The following TPO variants were observed in gnomAD, a reference collection of about 807,000 sequenced individuals.
The protein encoded by TPO is thyroid microsomal antigen.
TPO carries 78 observed loss-of-function variants against 96.9 expected under a neutral mutation model. The observed-to-expected ratio is 0.81, with a 90% confidence interval of 0.67 to 0.97. The LOEUF (loss-of-function observed/expected upper bound fraction) is 0.97, where lower values mean the gene tolerates loss of function less well. Among genes scored for constraint, TPO ranks in the 50% least tolerant of loss-of-function variants. The probability of loss-of-function intolerance (pLI) is 0.00; values close to 1 mark genes in which losing one functional copy is unlikely to be tolerated. For missense variants in TPO, 1,252 were observed against 1,274.8 expected, an observed-to-expected ratio of 0.98 and a Z score of 0.27; for synonymous variants, 547 against 538.0, an observed-to-expected ratio of 1.02 and a Z score of -0.23.
At chr2:1,533,794 G>C (rs1363958056) in intron 15 of TPO, among the ~76,000 whole-genome samples, 8 of 21,308 alleles carry the variant, frequency 3.8e-4, no homozygotes, top group South Asian at 2.1e-3. Context: ...ATCCCCCCCA[G>C]TGTGTGCAAC....
At chr2:1,512,980 C>T (rs769370527) in intron 14 of TPO, among the ~76,000 whole-genome samples, 33 of 152,326 alleles carry the variant, frequency 2.2e-4, no homozygotes, top group Non-Finnish European at 2.8e-4. Flanking sequence ...TGTTGTTGCA[C>T]GGAGGCCACA....
At chr2:1,401,706 C>T (rs1421912220) in intron 1 of TPO, among the ~76,000 whole-genome samples, 1 of 152,186 alleles carries the variant, frequency 6.6e-6, no homozygotes, top group Non-Finnish European at 1.5e-5. Flanking sequence ...TCAAATCCTG[C>T]CTCAGTGTCT....
At chr2:1,523,694 C>T (rs1261728490) in intron 15 of TPO, among the ~76,000 whole-genome samples, 28 of 136,400 alleles carry the variant, frequency 2.1e-4, no homozygotes, top group African/African-American at 3.9e-4. Flanking sequence ...TGCAGCCTCC[C>T]CAAATCCCCC....
At chr2:1,541,362 GT>G (rs78541132) in intron 16 of TPO, 7,983 of 200,360 alleles carry the variant, frequency 0.04, 336 homozygotes, top group African/African-American at 0.13. Flanking sequence ...AAAACAATAG[GT>G]TTTTTTTTTT....
At chr2:1,410,094 T>A (rs1662307414), upstream of TPO, among the ~76,000 whole-genome samples, 1 of 152,114 alleles carries the variant, frequency 6.6e-6, no homozygotes. Flanking sequence ...CTATTGTTTA[T>A]TTGAAAATCG....
intron 14 of TPO, among the ~76,000 whole-genome samples, chr2:1,505,810 A>G (rs1371177478): frequency 2.0e-5 from 3 of 148,272 alleles, no homozygotes; most frequent in African/African-American, 7.5e-5. Flanking sequence ...TTGTTTACTT[A>G]GGGGTTGCGG....
At chr2:1,392,365 T>A (rs536574922) in intron 1 of TPO, among the ~76,000 whole-genome samples, 3 of 152,326 alleles carry the variant, frequency 2.0e-5, no homozygotes, top group Non-Finnish European at 4.4e-5. Flanking sequence ...AACCTAATCA[T>A]GGTGGATAAG....
intron 14 of TPO, among the ~76,000 whole-genome samples, chr2:1,505,589 T>TTTG (rs753983263): frequency 3.5e-5 from 5 of 143,660 alleles, no homozygotes; most frequent in South Asian, 2.3e-4. Flanking sequence ...CCCCACTCCT[T>TTTG]TTGTTGTTGT....
At chr2:1,514,357 C>G (rs1207592006) in intron 14 of TPO, among the ~76,000 whole-genome samples, 18 of 152,248 alleles carry the variant, frequency 1.2e-4, no homozygotes, top group African/African-American at 4.8e-5. Context: ...AATGTCTAAT[C>G]TGGGCGCCTG....
At chr2:1,505,491 T>G (rs1461610038) in intron 14 of TPO, among the ~76,000 whole-genome samples, 1 of 17,896 alleles carries the variant, frequency 5.6e-5, no homozygotes, top group Non-Finnish European at 9.8e-5. Flanking sequence ...CCCCACCCCG[T>G]GTCAGGCACA....
At chr2:1,491,365 T>C (rs1269324255) in intron 10 of TPO, among the ~76,000 whole-genome samples, 1 of 152,182 alleles carries the variant, frequency 6.6e-6, no homozygotes, top group Non-Finnish European at 1.5e-5. Context: ...GATGCAAATG[T>C]GTTTCCTCTT....
In TPO at chr2:1,374,709, TTTTC is replaced by T. The variant is rs571804414; in HGVS notation, n.180+323_180+326del. ...GAGCCCTGTAATTTATAGAGAAATCTTTTCTTTCTTTCTTTCTTTTTTTTTTTTT... is the reference window on the plus strand; with the variant it reads ...GAGCCCTGTAATTTATAGAGAAATCTTTTCTTTCTTTCTTTTTTTTTTTTT... On this transcript the variant is annotated intron_variant and non_coding_transcript_variant, in intron 1 of 5. Transcript: ENST00000497517. 1.3e-3 allele frequency among the ~76,000 whole-genome samples: 200 copies of T among 150,288 alleles called. No homozygotes were observed. The South Asian group carries it at 0.013, about 10-fold the overall frequency.
At chr2:1,379,880 C>A (rs1250850794) in intron 1 of TPO, among the ~76,000 whole-genome samples, 4 of 152,100 alleles carry the variant, frequency 2.6e-5, no homozygotes, top group Non-Finnish European at 5.9e-5. Flanking sequence ...TAGGGGCAGG[C>A]ATGTGTCCTG....
At chr2:1,389,951 A>G (rs1661971109) in intron 1 of TPO, among the ~76,000 whole-genome samples, 1 of 151,352 alleles carries the variant, frequency 6.6e-6, no homozygotes, top group African/African-American at 2.4e-5. Context: ...CTTCCCAGGG[A>G]CCACGCCTGG....
rs1276045843 is a variant in TPO, at chr2:1,466,784, A to T, written c.820-10302A>T. ...GGATTTTCTCTTCTTTTCTTGGTTA[A>T]CCTTGCTAATGGTCTATCAATTTTA... On this transcript the variant is annotated intron_variant, in intron 7 of 16. Transcript: ENST00000329066. Among the ~76,000 whole-genome samples the T allele has an allele frequency of 2.0e-5, 3 of 152,094 alleles. 1 individual carries two copies. Among genetic ancestry groups the T allele is most frequent in the Non-Finnish European group, 4.4e-5 (3 of 68,018 alleles).
intron 1 of TPO, among the ~76,000 whole-genome samples, chr2:1,407,413 G>A (rs146958930): frequency 1.2e-3 from 179 of 152,320 alleles, no homozygotes; most frequent in Non-Finnish European, 2.1e-3. Context: ...ATTTTTCAAA[G>A]TGCATCTCTG....
At chr2:1,496,506 G>C in intron 12 of TPO, 89 bp from the exon 13 acceptor site, 1 of 1,581,678 alleles carries the variant, frequency 6.3e-7, no homozygotes. Context: ...AGCCCCTCCA[G>C]GGCACAAGCG....
chr2:1,511,864 G>A (rs563266186), intron 14 of TPO, among the ~76,000 whole-genome samples: 9 of 152,320 alleles, frequency 5.9e-5, no homozygotes, highest in East Asian at 1.9e-4. Context: ...TTCAGCCCAC[G>A]ACAGCCAATT....
Position 1,484,796 on chromosome 2 carries a change from C to T in TPO, c.1539C>T (p.Asp513=), listed in dbSNP as rs371269107. 1.9e-5 allele frequency: 31 copies of T among 1,614,092 alleles called. No individual in the cohort carries two copies. The highest frequency in any genetic ancestry group is 1.6e-4 in the South Asian group (15 of 91,090). The change falls in exon 9 of 17, where the codon GAC becomes GAT. Residue 513 remains aspartate, a synonymous_variant. Transcript: ENST00000329066. ...RLDASFQEHP[D]LPGLWLHQAF... ...ACGCCAGCTTCCAGGAGCACCCCGA[C>T]CTGCCCGGGCTGTGGCTGCACCAGG...
Sources: gnomAD v4.1 joint callset for allele counts (sites outside exome capture counted in the v4.1 genomes callset) on GRCh38, gnomAD v4.1.1 for gene constraint, MANE v1.5 for transcripts, NCBI Gene and HGNC (gene_info 2026-07-23, HGNC 2026-07-21) for gene names.